SNTB1: variants seen among roughly 807,000 people sequenced by gnomAD.
The protein encoded by SNTB1 is beta-1-syntrophin.
SNTB1 carries 36 observed loss-of-function variants against 48.9 expected under a neutral mutation model. That is an observed-to-expected ratio of 0.74 (90% CI 0.56 to 0.97). The LOEUF (loss-of-function observed/expected upper bound fraction) is 0.97, where lower values mean the gene tolerates loss of function less well. SNTB1 is among the 50% of genes least tolerant of loss of function. The pLI, the probability that SNTB1 is intolerant of heterozygous loss-of-function variation, is 0.00. For synonymous variants in SNTB1, 299 were observed against 294.6 expected (o/e 1.01, Z -0.15); for missense variants, 786 against 703.4 (o/e 1.12, Z -1.33).
intron 3 of SNTB1, among the ~76,000 whole-genome samples, chr8:120,599,550 AC>A (rs1816387933): frequency 6.6e-6 from 1 of 152,256 alleles, no homozygotes; most frequent in African/African-American, 2.4e-5. Context: ...AAAGATATAC[AC>A]GATCAGTCAG....
At chr8:120,722,772 T>G (rs1818685772) in intron 1 of SNTB1, among the ~76,000 whole-genome samples, 1 of 152,224 alleles carries the variant, frequency 6.6e-6, no homozygotes, top group African/African-American at 2.4e-5. Flanking sequence ...CAATTTTGGC[T>G]TTTGTTGCCA....
chr8:120,589,370 T>C (rs1816202507), intron 3 of SNTB1, among the ~76,000 whole-genome samples: 1 of 152,208 alleles, frequency 6.6e-6, no homozygotes, highest in African/African-American at 2.4e-5. Context: ...ATGTTATATT[T>C]ATGAACATTT....
At chr8:120,586,366 G>A (rs891725182) in intron 3 of SNTB1, among the ~76,000 whole-genome samples, 10 of 152,154 alleles carry the variant, frequency 6.6e-5, no homozygotes, top group African/African-American at 1.2e-4. Flanking sequence ...GAAGTCAGAC[G>A]TCCTGAAATT....
intron 1 of SNTB1, among the ~76,000 whole-genome samples, chr8:120,779,398 G>A (rs140838450): frequency 0.038 from 5,829 of 152,192 alleles, 358 homozygotes; most frequent in African/African-American, 0.13. Context: ...AGCTACTTGG[G>A]AGGCTGAGGC....
Position 120,786,139 on chromosome 8 carries a change from C to T in SNTB1, c.571+25134G>A, listed in dbSNP as rs144317472. Among the ~76,000 whole-genome samples the T allele has an allele frequency of 2.8e-3, 432 of 152,256 alleles. 3 individuals carry two copies. The highest frequency in any genetic ancestry group is 5.2e-3 in the Non-Finnish European group (356 of 68,018). On this transcript the variant is annotated intron_variant, in intron 1 of 6. Transcript: ENST00000517992. ...ACCACTGAACCGTCTGCAGATATTC[C>T]CCAGCAACAGTCTGGGGTGCGGAAG...
chr8:120,801,990 A>G (rs950863069), intron 1 of SNTB1, among the ~76,000 whole-genome samples: 24 of 152,136 alleles, frequency 1.6e-4, no homozygotes, highest in African/African-American at 5.6e-4. Context: ...TTGAAGAGAT[A>G]ACCCTTTGGT....
At chr8:120,663,426 C>A (rs751722039) in intron 2 of SNTB1, among the ~76,000 whole-genome samples, 8 of 152,190 alleles carry the variant, frequency 5.3e-5, no homozygotes, top group Non-Finnish European at 4.4e-5. Flanking sequence ...CCTGCCTCAG[C>A]CTCCCGAGTA....
chr8:120,680,919 C>G (rs1400390239), intron 2 of SNTB1, among the ~76,000 whole-genome samples: 2 of 149,928 alleles, frequency 1.3e-5, no homozygotes, highest in African/African-American at 5.1e-5. Flanking sequence ...CTAAAATGAA[C>G]TCATAAAGAG....
rs1159040316 is a variant in SNTB1, at chr8:120,811,849, C to A, written c.-6G>T. ...GCCGCCGCCGCTACCGCCATCTTTC[C>A]GGCATTCTTAAAATGCCATGTGATT... On this transcript the variant is annotated 5_prime_UTR_variant, in exon 1 of 7. Transcript: ENST00000517992. 7 of 1,340,416 alleles carry A rather than the reference C, an allele frequency of 5.2e-6. No homozygotes were observed. The highest frequency in any genetic ancestry group is 6.7e-6 in the Non-Finnish European group (7 of 1,049,826). 83.0% of individuals were successfully genotyped at this position (1,340,416 alleles called of 1,614,324 possible).
chr8:120,618,750 C>A (rs1429263298), intron 3 of SNTB1, among the ~76,000 whole-genome samples: 1 of 152,170 alleles, frequency 6.6e-6, no homozygotes, highest in Non-Finnish European at 1.5e-5. Flanking sequence ...GATGAAATTA[C>A]CTTTCAACCC....
At chr8:120,587,841 C>T (rs1816173551) in intron 3 of SNTB1, among the ~76,000 whole-genome samples, 1 of 152,058 alleles carries the variant, frequency 6.6e-6, no homozygotes, top group Non-Finnish European at 1.5e-5. Context: ...AGCCTCCTCT[C>T]GATGTGGTGG....
chr8:120,805,577 C>T (rs1397803893), intron 1 of SNTB1, among the ~76,000 whole-genome samples: 2 of 152,114 alleles, frequency 1.3e-5, no homozygotes, highest in African/African-American at 4.8e-5. Flanking sequence ...AAGGTTCTCC[C>T]CTAGACATCC....
At chr8:120,789,365 T>C (rs777194037) in intron 1 of SNTB1, among the ~76,000 whole-genome samples, 1 of 151,276 alleles carries the variant, frequency 6.6e-6, no homozygotes, top group Non-Finnish European at 1.5e-5. Flanking sequence ...AACCCAAAGC[T>C]AGCAAGTAAA....
At chr8:120,683,160 C>A (rs956410474) in intron 2 of SNTB1, among the ~76,000 whole-genome samples, 5 of 152,014 alleles carry the variant, frequency 3.3e-5, no homozygotes, top group African/African-American at 9.7e-5. Flanking sequence ...GGATTACAGG[C>A]GTGAGCCACC....
intron 5 of SNTB1, among the ~76,000 whole-genome samples, chr8:120,545,071 C>T (rs1357714897): frequency 6.6e-6 from 1 of 152,116 alleles, no homozygotes; most frequent in Non-Finnish European, 1.5e-5. Context: ...GGACCAGATG[C>T]AGTGGCTCAT....
chr8:120,673,155 C>T (rs958725877), intron 2 of SNTB1, among the ~76,000 whole-genome samples: 3 of 152,158 alleles, frequency 2.0e-5, no homozygotes, highest in African/African-American at 4.8e-5. Flanking sequence ...TAAGTGGCCT[C>T]ATCATTTCCT....
intron 3 of SNTB1, among the ~76,000 whole-genome samples, chr8:120,613,857 G>A (rs1435622249): frequency 3.3e-5 from 5 of 152,118 alleles, no homozygotes; most frequent in Admixed American, 6.5e-5. Context: ...TGGACTCTTC[G>A]TTTTCTTTTT....
Position 120,632,613 on chromosome 8 carries a change from A to G in SNTB1, c.827T>C (p.Val276Ala). ...EIHSPDAKHTVILRSKDSATA... is the reference protein window; with the variant it reads ...EIHSPDAKHTAILRSKDSATA... ...GGCTGAGTCCTTGCTCCTTAGGATC[A>G]CCGTGTGCTTAGCATCTGGAGAGTG... The change falls in exon 3 of 7, where the codon GTG becomes GCG. Residue 276 changes from valine to alanine, a missense_variant. Physicochemically the swap from Val to Ala is moderately conservative, Grantham distance 64 (BLOSUM62 0). Transcript: ENST00000517992. 6.2e-7 allele frequency: 1 copy of G among 1,614,144 alleles called. No homozygotes were observed. The highest frequency in any genetic ancestry group is 8.5e-7 in the Non-Finnish European group (1 of 1,180,032).
At chr8:120,747,455 TCA>T (rs1819144556) in intron 1 of SNTB1, among the ~76,000 whole-genome samples, 1 of 152,138 alleles carries the variant, frequency 6.6e-6, no homozygotes, top group Admixed American at 6.6e-5. Context: ...CATGCCCGGC[TCA>T]TTTTTGTATT....
Sources: gnomAD v4.1 joint callset for allele counts (sites outside exome capture counted in the v4.1 genomes callset) on GRCh38, gnomAD v4.1.1 for gene constraint, MANE v1.5 for transcripts, NCBI Gene and HGNC (gene_info 2026-07-23, HGNC 2026-07-21) for gene names.